RBFOX1: variants seen among roughly 807,000 people sequenced by gnomAD.
The protein encoded by RBFOX1 is RNA binding protein fox-1 homolog 1.
A neutral mutation model predicts 57.7 loss-of-function variants in RBFOX1; 8 were observed. The ratio of observed to expected loss-of-function variants is 0.14; its 90% CI spans 0.08 to 0.25. The LOEUF (loss-of-function observed/expected upper bound fraction) is 0.25. Among genes scored for constraint, RBFOX1 ranks in the 10% least tolerant of loss-of-function variants. RBFOX1 has a pLI of 1.00. For synonymous variants in RBFOX1, 326 were observed against 222.4 expected (o/e 1.47, Z -4.15); for missense variants, 611 against 548.5 (o/e 1.11, Z -1.14).
chr16:5,560,113 A>C (rs969277192), intron 2 of RBFOX1, among the ~76,000 whole-genome samples: 7 of 152,204 alleles, frequency 4.6e-5, no homozygotes, highest in Admixed American at 4.6e-4. Context: ...TTTATAGAAT[A>C]AATTTCTTCT....
intron 3 of RBFOX1, among the ~76,000 whole-genome samples, chr16:7,011,454 TTTTG>T (rs200416890): frequency 0.023 from 3,478 of 152,208 alleles, 60 homozygotes; most frequent in Non-Finnish European, 0.029. Flanking sequence ...CAAGTTGGAT[TTTTG>T]TTTGTTTGTT....
At chr16:7,511,213 T>C (rs902086305) in intron 4 of RBFOX1, among the ~76,000 whole-genome samples, 1 of 152,234 alleles carries the variant, frequency 6.6e-6, no homozygotes, top group African/African-American at 2.4e-5. Flanking sequence ...TCTTTTTCAG[T>C]TGAAATACGG....
chr16:7,353,350 A>G (rs1266357537), intron 4 of RBFOX1, among the ~76,000 whole-genome samples: 4 of 152,354 alleles, frequency 2.6e-5, no homozygotes, highest in African/African-American at 7.2e-5. Flanking sequence ...TGGAATGCAC[A>G]TACATTGCTG....
intron 4 of RBFOX1, among the ~76,000 whole-genome samples, chr16:7,381,308 T>C (rs558837748): frequency 6.6e-6 from 1 of 152,320 alleles, no homozygotes; most frequent in South Asian, 2.1e-4. Context: ...TATTGCCTTA[T>C]TGTGCAAGTA....
At chr16:6,414,738 A>C (rs1396096804) in intron 2 of RBFOX1, among the ~76,000 whole-genome samples, 1 of 152,158 alleles carries the variant, frequency 6.6e-6, no homozygotes, top group African/African-American at 2.4e-5. Context: ...AAACCACTCT[A>C]CAAAGCAGGG....
chr16:5,623,976 A>G (rs1039573727), intron 3 of RBFOX1, among the ~76,000 whole-genome samples: 46 of 152,220 alleles, frequency 3.0e-4, no homozygotes, highest in African/African-American at 1.1e-3. Context: ...CATCCCCCAA[A>G]GAAATCCCAT....
At chr16:6,359,049 A>C (rs192766482) in intron 2 of RBFOX1, among the ~76,000 whole-genome samples, 2 of 151,972 alleles carry the variant, frequency 1.3e-5, no homozygotes, top group Non-Finnish European at 2.9e-5. Context: ...ATCCCTAATA[A>C]CAAATGCTCA....
intron 2 of RBFOX1, among the ~76,000 whole-genome samples, chr16:6,429,745 C>G (rs2094025078): frequency 6.6e-6 from 1 of 152,168 alleles, no homozygotes. Flanking sequence ...GCTCTCTTGC[C>G]TGCTGCCATG....
At chr16:6,916,744 C>G (rs538289148) in intron 3 of RBFOX1, among the ~76,000 whole-genome samples, 1 of 152,196 alleles carries the variant, frequency 6.6e-6, no homozygotes, top group Non-Finnish European at 1.5e-5. Context: ...GGATTACTTC[C>G]AGCTTTTTTC....
At chr16:6,369,478 G>T (rs1156700671) in intron 2 of RBFOX1, among the ~76,000 whole-genome samples, 1 of 152,186 alleles carries the variant, frequency 6.6e-6, no homozygotes, top group African/African-American at 2.4e-5. Flanking sequence ...TCCTAGCATT[G>T]AGGGAAGAAT....
At chr16:6,968,913 T>A (rs1417749143) in intron 3 of RBFOX1, among the ~76,000 whole-genome samples, 1 of 151,848 alleles carries the variant, frequency 6.6e-6, no homozygotes, top group Non-Finnish European at 1.5e-5. Context: ...CATAATAAGC[T>A]CATTAGAGGA....
rs527335507 is a variant in RBFOX1, at chr16:6,363,230, T to C, written c.-64+46173T>C. Among the ~76,000 whole-genome samples the C allele has an allele frequency of 4.6e-3, 700 of 152,322 alleles. 4 individuals carry two copies. The highest frequency in any genetic ancestry group is 0.013 in the African/African-American group (535 of 41,576). ...AATTTTGAAGACTTTTTTTCTATAA[T>C]GTGGCCTTCCGTTGTGTAGTAAACT... On this transcript the variant is annotated intron_variant, in intron 2 of 15. Coordinates refer to ENST00000550418, the MANE Select transcript of RBFOX1 (RefSeq NM_018723.4).
chr16:5,272,771 G>T (rs1271351707), intron 1 of RBFOX1, among the ~76,000 whole-genome samples: 1 of 152,078 alleles, frequency 6.6e-6, no homozygotes, highest in Admixed American at 6.6e-5. Context: ...CACCTCCTCT[G>T]TCATGGATTG....
intron 3 of RBFOX1, among the ~76,000 whole-genome samples, chr16:6,668,329 G>A (rs1289664365): frequency 2.0e-5 from 3 of 152,170 alleles, no homozygotes; most frequent in Non-Finnish European, 2.9e-5. Context: ...GGAGGAGTGA[G>A]AGCCACAGGG....
intron 3 of RBFOX1, among the ~76,000 whole-genome samples, chr16:6,943,263 G>C (rs989515749): frequency 6.6e-6 from 1 of 152,188 alleles, no homozygotes; most frequent in African/African-American, 2.4e-5. Context: ...ACTGATCAAG[G>C]TGCAAAAAGA....
intron 2 of RBFOX1, among the ~76,000 whole-genome samples, chr16:5,503,887 ACT>A (rs771691417): frequency 6.6e-5 from 10 of 152,010 alleles, no homozygotes; most frequent in Non-Finnish European, 1.3e-4. Flanking sequence ...CCTGGCAAAC[ACT>A]CATCTACTTT....
At chr16:7,509,812 A>T (rs954881840) in intron 4 of RBFOX1, among the ~76,000 whole-genome samples, 1 of 152,254 alleles carries the variant, frequency 6.6e-6, no homozygotes, top group South Asian at 2.1e-4. Flanking sequence ...CTCCCCTCTT[A>T]AGAAAAAATA....
At chr16:7,277,657 A>G (rs1333711360) in intron 4 of RBFOX1, among the ~76,000 whole-genome samples, 1 of 152,168 alleles carries the variant, frequency 6.6e-6, no homozygotes. Flanking sequence ...AAGGCCCAAG[A>G]AGCTTGAGAG....
At chr16:7,588,625 T>C (rs977989645) in intron 7 of RBFOX1, among the ~76,000 whole-genome samples, 2 of 152,176 alleles carry the variant, frequency 1.3e-5, no homozygotes, top group African/African-American at 4.8e-5. Flanking sequence ...TTTCAGCCCA[T>C]TGACTCTCCT....
Sources: gnomAD v4.1 joint callset for allele counts (sites outside exome capture counted in the v4.1 genomes callset) on GRCh38, gnomAD v4.1.1 for gene constraint, MANE v1.5 for transcripts, NCBI Gene and HGNC (gene_info 2026-07-23, HGNC 2026-07-21) for gene names.